Variants in CMTM7 observed in about 807,000 individuals in gnomAD.
CMTM7 encodes CKLF-like MARVEL transmembrane domain-containing protein 7.
A neutral mutation model predicts 19.3 loss-of-function variants in CMTM7; 7 were observed. The observed-to-expected ratio is 0.36, with a 90% CI of 0.21 to 0.68. CMTM7 has a LOEUF of 0.68. CMTM7 is among the 30% of genes least tolerant of loss of function. CMTM7 has a pLI of 0.60. For missense variants in CMTM7, 193 were observed against 232.6 expected (o/e 0.83, Z 1.11); for synonymous variants, 87 against 99.3 (o/e 0.88, Z 0.74).
At chr3:32,450,750 C>T (rs748349007) in intron 3 of CMTM7, among the ~76,000 whole-genome samples, 7 of 152,180 alleles carry the variant, frequency 4.6e-5, no homozygotes, top group Non-Finnish European at 7.3e-5. Flanking sequence ...GAGACCTGTG[C>T]CCACTGTGTT....
intron 1 of CMTM7, among the ~76,000 whole-genome samples, chr3:32,392,765 A>C (rs1695859302): frequency 6.6e-6 from 1 of 152,058 alleles, no homozygotes; most frequent in Non-Finnish European, 1.5e-5. Flanking sequence ...GTTGAATGGG[A>C]GTCACCCGTG....
intron 1 of CMTM7, among the ~76,000 whole-genome samples, chr3:32,424,010 A>C (rs1182689687): frequency 6.6e-6 from 1 of 152,242 alleles, no homozygotes; most frequent in Non-Finnish European, 1.5e-5. Flanking sequence ...GGATTACTCA[A>C]AAATTTAATG....
chr3:32,450,102 T>G (rs759886514), intron 3 of CMTM7, among the ~76,000 whole-genome samples: 9 of 152,214 alleles, frequency 5.9e-5, no homozygotes, highest in Non-Finnish European at 1.2e-4. Flanking sequence ...GTGAGATATA[T>G]ACATACATAT....
intron 1 of CMTM7, among the ~76,000 whole-genome samples, chr3:32,412,990 A>G (rs1486843730): frequency 1.3e-5 from 2 of 152,274 alleles, no homozygotes; most frequent in Non-Finnish European, 2.9e-5. Context: ...TAGCTACTAT[A>G]AATGATATTA....
chr3:32,423,677 G>A (rs776165070), intron 1 of CMTM7, among the ~76,000 whole-genome samples: 2 of 152,272 alleles, frequency 1.3e-5, no homozygotes, highest in African/African-American at 2.4e-5. Context: ...GTAGTATGGA[G>A]GTGGGGGTTT....
chr3:32,417,390 A>C (rs555894448), intron 1 of CMTM7, among the ~76,000 whole-genome samples: 1 of 152,256 alleles, frequency 6.6e-6, no homozygotes, highest in African/African-American at 2.4e-5. Context: ...CCATGTTATC[A>C]CTTGGATAAT....
chr3:32,406,629 A>G (rs527452612), intron 1 of CMTM7, among the ~76,000 whole-genome samples: 5 of 152,268 alleles, frequency 3.3e-5, no homozygotes, highest in Non-Finnish European at 7.4e-5. Flanking sequence ...CTTAACTAGC[A>G]TTTTTCTTAG....
rs72858825 is a variant in CMTM7, at chr3:32,443,722, A to G, written c.333+1709A>G. ...GTTCCAGTTTCACAACATCTTTGCC[A>G]ACACTTATTATCTGACTTTCTGATT... On this transcript the variant is annotated intron_variant, in intron 2 of 4. Transcript: ENST00000334983. Among the ~76,000 whole-genome samples the G allele has an allele frequency of 2.5e-3, 381 of 152,320 alleles. 1 individual carries two copies. The highest frequency in any genetic ancestry group is 8.7e-3 in the African/African-American group (362 of 41,552).
chr3:32,397,332 G>A (rs1337576709), intron 1 of CMTM7, among the ~76,000 whole-genome samples: 1 of 137,794 alleles, frequency 7.3e-6, no homozygotes, highest in Non-Finnish European at 1.6e-5. Flanking sequence ...GAACTTATGA[G>A]TGTACCATTA....
At chr3:32,438,954 G>A (rs763291506) in intron 1 of CMTM7, among the ~76,000 whole-genome samples, 1 of 152,160 alleles carries the variant, frequency 6.6e-6, no homozygotes, top group Non-Finnish European at 1.5e-5. Flanking sequence ...TAGGAATCAC[G>A]CTGCATAATC....
intron 1 of CMTM7, among the ~76,000 whole-genome samples, chr3:32,409,641 C>G (rs1207243187): frequency 6.6e-6 from 1 of 152,170 alleles, no homozygotes; most frequent in African/African-American, 2.4e-5. Context: ...ATGACGTCAA[C>G]ATTTGTGGAG....
At chr3:32,424,578 CA>C (rs1696398460) in intron 1 of CMTM7, among the ~76,000 whole-genome samples, 1 of 152,008 alleles carries the variant, frequency 6.6e-6, no homozygotes, top group Non-Finnish European at 1.5e-5. Context: ...TATCTGGTTG[CA>C]GGGAGCTTGT....
chr3:32,452,185 C>A (rs911883710), intron 3 of CMTM7: 9 of 1,509,670 alleles, frequency 6.0e-6, no homozygotes, highest in Non-Finnish European at 8.0e-6. Flanking sequence ...CCTGGCCCAA[C>A]CTGGAGGACT....
intron 2 of CMTM7, among the ~76,000 whole-genome samples, chr3:32,447,747 C>T (rs540628168): frequency 5.1e-4 from 78 of 152,204 alleles, no homozygotes; most frequent in Non-Finnish European, 1.6e-4. Flanking sequence ...TGTAGACACC[C>T]TGGCTTTCTT....
intron 1 of CMTM7, among the ~76,000 whole-genome samples, chr3:32,413,819 CT>C (rs1377299973): frequency 6.6e-6 from 1 of 152,136 alleles, no homozygotes; most frequent in Non-Finnish European, 1.5e-5. Context: ...AGTGGCCATA[CT>C]GGTGTGTGCC....
chr3:32,423,637 G>A (rs609147), intron 1 of CMTM7, among the ~76,000 whole-genome samples: 150,950 of 152,342 alleles, frequency 0.99, 74,794 homozygotes, highest in East Asian at 1. Context: ...TAGCCTGCAG[G>A]GGATTCAGAA....
rs1696839215 is a variant in CMTM7 at position 32,451,980 on chromosome 3, A to G, written c.433-412A>G. Reference sequence around the variant, plus strand: ...AAGTCATTACAAATGAAATGCGAACAACGCCACTACACCACAAATCATGGG... The same window carrying G: ...AAGTCATTACAAATGAAATGCGAACGACGCCACTACACCACAAATCATGGG... On this transcript the variant is annotated intron_variant, in intron 3 of 4. Transcript: ENST00000334983. The G allele has an allele frequency of 2.3e-5, 20 of 863,366 alleles. No homozygotes were observed. In the South Asian group the frequency reaches 2.8e-4, roughly 12 times the overall value. 53.5% of individuals were successfully genotyped at this position (863,366 alleles called of 1,614,324 possible).
chr3:32,424,708 G>C (rs1479351506), intron 1 of CMTM7, among the ~76,000 whole-genome samples: 21 of 151,070 alleles, frequency 1.4e-4, no homozygotes, highest in Admixed American at 1.3e-3. Flanking sequence ...GCAGTGGCTT[G>C]ATCATGGCTC....
At chr3:32,415,985 A>T (rs1469042586) in intron 1 of CMTM7, among the ~76,000 whole-genome samples, 3 of 152,166 alleles carry the variant, frequency 2.0e-5, no homozygotes, top group African/African-American at 7.2e-5. Context: ...CATACATGCC[A>T]GGCCTGTGTT....
Sources: gnomAD v4.1 joint callset for allele counts (sites outside exome capture counted in the v4.1 genomes callset) on GRCh38, gnomAD v4.1.1 for gene constraint, MANE v1.5 for transcripts, NCBI Gene and HGNC (gene_info 2026-07-23, HGNC 2026-07-21) for gene names.